Variants in UST observed in about 807,000 individuals in gnomAD.
UST encodes chondroitin sulfate 2-O-sulfotransferase.
In UST, 21 loss-of-function variants were observed where a neutral mutation model predicts 45.6. That is an observed-to-expected ratio of 0.46 (90% CI 0.33 to 0.66). The LOEUF is 0.66. UST is among the 30% of genes least tolerant of loss of function. The pLI, the probability that UST is intolerant of heterozygous loss-of-function variation, is 0.02. For missense variants in UST, 463 were observed against 512.4 expected (o/e 0.90, Z 0.93); for synonymous variants, 215 against 200.6 (o/e 1.07, Z -0.61).
intron 3 of UST, among the ~76,000 whole-genome samples, chr6:148,947,846 A>C (rs76643208): frequency 6.6e-6 from 1 of 151,934 alleles, no homozygotes; most frequent in African/African-American, 2.4e-5. Flanking sequence ...CACAGGGATT[A>C]GTTCACACAG....
chr6:148,747,761 C>T, intron 1 of UST, 84 bp downstream of exon 1: 1 of 1,433,286 alleles, frequency 7.0e-7, no homozygotes, highest in East Asian at 2.7e-5. Flanking sequence ...GGACTTCTCG[C>T]GCTGCCACCG....
chr6:148,975,112 TAAGAC>T (rs1780991230), intron 5 of UST, among the ~76,000 whole-genome samples: 1 of 152,218 alleles, frequency 6.6e-6, no homozygotes, highest in Non-Finnish European at 1.5e-5. Flanking sequence ...CCTGTGAGAT[TAAGAC>T]AAGGGTCCTA....
intron 1 of UST, among the ~76,000 whole-genome samples, chr6:148,837,707 T>A (rs888243937): frequency 6.8e-6 from 1 of 147,574 alleles, no homozygotes; most frequent in Non-Finnish European, 1.5e-5. Flanking sequence ...TTTTCTCTCC[T>A]TTTTTTGAGA....
At chr6:148,896,614 T>C (rs1217973546) in intron 2 of UST, among the ~76,000 whole-genome samples, 1 of 152,262 alleles carries the variant, frequency 6.6e-6, no homozygotes, top group Non-Finnish European at 1.5e-5. Context: ...ATGAAACCTC[T>C]TTATTTTCAA....
intron 2 of UST, among the ~76,000 whole-genome samples, chr6:148,887,603 C>T (rs986280905): frequency 1.5e-4 from 23 of 152,160 alleles, no homozygotes; most frequent in Non-Finnish European, 1.8e-4. Context: ...CAATGAAAAC[C>T]GAATGCTAAT....
intron 7 of UST, among the ~76,000 whole-genome samples, chr6:149,062,480 A>G (rs1209712924): frequency 6.6e-6 from 1 of 152,324 alleles, no homozygotes; most frequent in East Asian, 1.9e-4. Context: ...CTGGGGAACT[A>G]AAAATGAAAA....
chr6:149,014,842 G>A (rs75873134), intron 5 of UST, among the ~76,000 whole-genome samples: 3,990 of 152,268 alleles, frequency 0.026, 70 homozygotes, highest in Middle Eastern at 0.068. Context: ...CTGGAAGTCT[G>A]GCCAGGGAAA....
chr6:148,840,586 A>T (rs759602703), intron 1 of UST, among the ~76,000 whole-genome samples: 51 of 151,926 alleles, frequency 3.4e-4, no homozygotes, highest in Admixed American at 5.9e-4. Context: ...CCCACAGTGG[A>T]CTCTGAGGGA....
At chr6:149,008,446 G>T (rs1775751553) in intron 5 of UST, among the ~76,000 whole-genome samples, 1 of 152,126 alleles carries the variant, frequency 6.6e-6, no homozygotes, top group Non-Finnish European at 1.5e-5. Flanking sequence ...AAGGCAAGTG[G>T]GCAGCACTTA....
chr6:148,753,834 C>T (rs1290991619), intron 1 of UST, among the ~76,000 whole-genome samples: 2 of 152,120 alleles, frequency 1.3e-5, no homozygotes. Context: ...TCCTCACTGC[C>T]ATTTCTTATT....
At chr6:148,750,637 C>T (rs1775972194) in intron 1 of UST, among the ~76,000 whole-genome samples, 1 of 152,138 alleles carries the variant, frequency 6.6e-6, no homozygotes, top group South Asian at 2.1e-4. Context: ...ATCTAAAGAT[C>T]GGGACTGGCT....
intron 1 of UST, among the ~76,000 whole-genome samples, chr6:148,863,254 C>T (rs1025658608): frequency 2.0e-5 from 3 of 152,150 alleles, no homozygotes. Flanking sequence ...ATTTGATCTT[C>T]AATCACTTAT....
chr6:148,878,767 GTCAGGTATGAGTGTGGGGA>G (rs1471460507), intron 1 of UST, among the ~76,000 whole-genome samples: 6 of 150,426 alleles, frequency 4.0e-5, no homozygotes, highest in African/African-American at 9.8e-5. Context: ...GAGTGGTGGG[GTCAGGTATGAGTGTGGGGA>G]TCAGGTATGA....
At chr6:148,787,790 A>G (rs1246405088) in intron 1 of UST, among the ~76,000 whole-genome samples, 1 of 152,176 alleles carries the variant, frequency 6.6e-6, no homozygotes, top group Non-Finnish European at 1.5e-5. Context: ...CAGTGTGGTC[A>G]TTTTCATGAT....
chr6:149,006,142 T>C (rs1775684802), intron 5 of UST, among the ~76,000 whole-genome samples: 1 of 152,192 alleles, frequency 6.6e-6, no homozygotes, highest in African/African-American at 2.4e-5. Context: ...TTTTGTTACA[T>C]AGGGAAACAT....
chr6:148,795,580 G>A (rs924053965), intron 1 of UST, among the ~76,000 whole-genome samples: 6 of 152,018 alleles, frequency 3.9e-5, no homozygotes, highest in South Asian at 2.1e-4. Flanking sequence ...AACGCCTGCC[G>A]TATTTTACCC....
At chr6:148,982,857 G>A (rs1224610830) in intron 5 of UST, among the ~76,000 whole-genome samples, 2 of 152,170 alleles carry the variant, frequency 1.3e-5, no homozygotes, top group African/African-American at 2.4e-5. Flanking sequence ...TCCTGGGAAA[G>A]CTCTTCTAAA....
intron 1 of UST, among the ~76,000 whole-genome samples, chr6:148,873,378 T>C (rs1196565262): frequency 6.6e-6 from 1 of 152,120 alleles, no homozygotes; most frequent in African/African-American, 2.4e-5. Context: ...TGCTGAGCAC[T>C]GTGCTGGCTC....
intron 5 of UST, among the ~76,000 whole-genome samples, chr6:149,013,828 G>A (rs1432548125): frequency 6.6e-6 from 1 of 152,212 alleles, no homozygotes; most frequent in Non-Finnish European, 1.5e-5. Flanking sequence ...TTCAAGCATG[G>A]AGCTGTGTAA....
Sources: allele counts gnomAD v4.1 joint callset (sites outside exome capture counted in the v4.1 genomes callset), GRCh38; gene constraint gnomAD v4.1.1; transcripts MANE v1.5; gene names NCBI Gene and HGNC (gene_info 2026-07-23, HGNC 2026-07-21).